The following SATB1 variants were observed in gnomAD, a reference collection of about 807,000 sequenced individuals.
The protein encoded by SATB1 is DNA-binding protein SATB1.
SATB1 carries 11 observed loss-of-function variants against 86.9 expected under a neutral mutation model. The ratio of observed to expected loss-of-function variants is 0.13; its 90% confidence interval spans 0.08 to 0.21. The LOEUF is 0.21. SATB1 is among the 10% of genes least tolerant of loss of function. The probability of loss-of-function intolerance (pLI) is 1.00; values close to 1 mark genes in which losing one functional copy is unlikely to be tolerated. For missense variants in SATB1, 551 were observed against 937.6 expected (o/e 0.59, Z 5.39); for synonymous variants, 357 against 357.2 (o/e 1.00, Z 0.01).
chr3:18,385,919 T>C (rs1377240673), intron 8 of SATB1, among the ~76,000 whole-genome samples: 2 of 152,166 alleles, frequency 1.3e-5, no homozygotes, highest in Non-Finnish European at 2.9e-5. Flanking sequence ...CCTTCAAGGA[T>C]TTTATTAAAC....
At chr3:18,357,776 A>G (rs1377838962) in intron 9 of SATB1, among the ~76,000 whole-genome samples, 1 of 151,872 alleles carries the variant, frequency 6.6e-6, no homozygotes, top group Non-Finnish European at 1.5e-5. Flanking sequence ...CAGTATAGTT[A>G]CAGAAGGGTT....
chr3:18,394,882 T>C lies in SATB1; in HGVS notation c.786A>G (p.Gln262=). The C allele has an allele frequency of 6.2e-7, 1 of 1,608,560 alleles. No homozygotes were observed. Among genetic ancestry groups the C allele is most frequent in the African/African-American group, 1.3e-5 (1 of 74,948 alleles). ...EMDSLSELSQ[Q]GANHVNFGQQ... ...GGCCAAAATTGACATGATTGGCGCC[T>C]TGCTGGGATAGCTCAGAAAGACTAT... The change falls in exon 7 of 11, where the codon CAA becomes CAG. Residue 262 remains glutamine, a synonymous_variant. Coordinates refer to ENST00000338745, the MANE Select transcript of SATB1 (RefSeq NM_002971.6). The surrounding 1 kb of genome is among the most constrained non-coding windows in gnomAD (Gnocchi z 5.9).
intron 5 of SATB1, among the ~76,000 whole-genome samples, chr3:18,398,074 C>T (rs1215190703): frequency 6.6e-6 from 1 of 152,136 alleles, no homozygotes; most frequent in East Asian, 1.9e-4. Context: ...TTCTAAATTT[C>T]TCAAGGATAC....
intron 6 of SATB1, 41 bp downstream of exon 6, chr3:18,397,138 T>C (rs747027001): frequency 9.3e-7 from 1 of 1,072,010 alleles, no homozygotes; most frequent in East Asian, 2.4e-5. Flanking sequence ...AAATGACACG[T>C]AATGGTATGT....
At chr3:18,441,734 G>A (rs1000795042), upstream of SATB1, among the ~76,000 whole-genome samples, 2 of 152,116 alleles carry the variant, frequency 1.3e-5, no homozygotes, top group Admixed American at 1.3e-4. Flanking sequence ...ACAGGTGCCT[G>A]TCACCTGACC....
chr3:18,443,711 G>T lies in SATB1; in HGVS notation c.-25+1807C>A, dbSNP rs80284692. Among the ~76,000 whole-genome samples the T allele has an allele frequency of 6.6e-6, 1 of 152,098 alleles. No individual in the cohort carries two copies. The highest frequency in any genetic ancestry group is 6.5e-5 in the Admixed American group (1 of 15,282). On this transcript the variant is annotated intron_variant, in intron 1 of 3. Transcript: ENST00000415069. This position sits in a 1 kb window ranked among gnomAD's most constrained non-coding sequence, Gnocchi z 4.4. The stretch of plus-strand genomic sequence containing the variant: ...TGGTTTCCCAAACCCCGGTTCTGCC[G>T]GCCCGGGAGCCTTAGCACTGGAGCA...
At chr3:18,351,280 C>G in intron 10 of SATB1, 1 of 1,517,556 alleles carries the variant, frequency 6.6e-7, no homozygotes, top group Non-Finnish European at 8.8e-7. Flanking sequence ...CTCTCTGTGT[C>G]CCTTGGTGGC....
chr3:18,434,385 A>G (rs1698990495), intron 2 of SATB1, among the ~76,000 whole-genome samples: 1 of 150,754 alleles, frequency 6.6e-6, no homozygotes, highest in Non-Finnish European at 1.5e-5. Flanking sequence ...AAGAATAAGT[A>G]TATATATATA....
chr3:18,355,190 C>T (rs1487170294), intron 9 of SATB1, among the ~76,000 whole-genome samples: 14 of 151,874 alleles, frequency 9.2e-5, no homozygotes, highest in Non-Finnish European at 1.5e-4. Context: ...TCTCTTGATG[C>T]GCATTGCTCT....
At chr3:18,373,090 A>G (rs1695553904) in intron 9 of SATB1, among the ~76,000 whole-genome samples, 1 of 152,200 alleles carries the variant, frequency 6.6e-6, no homozygotes, top group African/African-American at 2.4e-5. Context: ...CAGAAGCTGT[A>G]TCCCCCTCAG....
intron 2 of SATB1, among the ~76,000 whole-genome samples, chr3:18,419,491 T>C (rs1698282231): frequency 6.6e-6 from 1 of 152,212 alleles, no homozygotes; most frequent in Non-Finnish European, 1.5e-5. Context: ...AAAACTGTCC[T>C]GGCATTAAAG....
At chr3:18,383,112 T>A (rs1011540691) in intron 8 of SATB1, among the ~76,000 whole-genome samples, 4 of 152,184 alleles carry the variant, frequency 2.6e-5, no homozygotes, top group African/African-American at 9.6e-5. Flanking sequence ...AGCAACCAGG[T>A]CTGGCCCAGA....
At chr3:18,369,317 CT>C (rs1695343250) in intron 9 of SATB1, among the ~76,000 whole-genome samples, 1 of 151,784 alleles carries the variant, frequency 6.6e-6, no homozygotes, top group South Asian at 2.1e-4. Context: ...ACCCACCCCC[CT>C]CCACAAAAAA....
chr3:18,388,160 G>T (rs183610009), intron 7 of SATB1, among the ~76,000 whole-genome samples: 2 of 152,112 alleles, frequency 1.3e-5, no homozygotes, highest in Admixed American at 6.5e-5. Flanking sequence ...ATACTAACGA[G>T]TAATGCTGTA....
At chr3:18,379,762 C>CA (rs1695949712) in intron 8 of SATB1, among the ~76,000 whole-genome samples, 1 of 152,136 alleles carries the variant, frequency 6.6e-6, no homozygotes, top group African/African-American at 2.4e-5. Context: ...ACCATGATAC[C>CA]ACCTTTCCAA....
At chr3:18,437,739 T>C (rs1269620767) in intron 1 of SATB1, among the ~76,000 whole-genome samples, 1 of 152,204 alleles carries the variant, frequency 6.6e-6, no homozygotes, top group East Asian at 1.9e-4. Flanking sequence ...TCCCACAGTC[T>C]GGAGATCACT....
In SATB1 at chr3:18,394,756, G is replaced by A; in HGVS notation, c.912C>T (p.His304=). Residue 304 remains histidine, a synonymous_variant, in exon 7 of 11, where the codon CAC becomes CAT. Coordinates refer to ENST00000338745, the MANE Select transcript of SATB1 (RefSeq NM_002971.6). The surrounding 1 kb of genome is among the most constrained non-coding windows in gnomAD (Gnocchi z 5.9). ...PSVRTPLPNL[H]PGLVSTPISP... The stretch of plus-strand genomic sequence containing the variant: ...TGATAGGTGTTGATACGAGCCCAGG[G>A]TGCAGGTTTGGAAGAGGTGTCCGGA... 1 of 1,614,134 alleles carries A rather than the reference G, an allele frequency of 6.2e-7. No homozygotes were observed. Among genetic ancestry groups the A allele is most frequent in the South Asian group, 1.1e-5 (1 of 91,078 alleles).
At chr3:18,357,773 G>C (rs1249853558) in intron 9 of SATB1, among the ~76,000 whole-genome samples, 1 of 151,748 alleles carries the variant, frequency 6.6e-6, no homozygotes, top group African/African-American at 2.4e-5. Flanking sequence ...CAACAGTATA[G>C]TTACAGAAGG....
intron 9 of SATB1, among the ~76,000 whole-genome samples, chr3:18,367,531 G>A (rs938775186): frequency 1.3e-5 from 2 of 152,184 alleles, no homozygotes; most frequent in African/African-American, 4.8e-5. Flanking sequence ...TCGGTGACTT[G>A]TTAACAGACA....
Sources: gnomAD v4.1 joint callset for allele counts (sites outside exome capture counted in the v4.1 genomes callset) on GRCh38, gnomAD v4.1.1 for gene constraint, Gnocchi (gnomAD v3.1) non-coding constraint, MANE v1.5 for transcripts, NCBI Gene and HGNC (gene_info 2026-07-23, HGNC 2026-07-21) for gene names.